CDKAL1: variants seen among roughly 807,000 people sequenced by gnomAD.
CDKAL1 encodes CDKAL1 threonylcarbamoyladenosine tRNA methylthiotransferase, also known as threonylcarbamoyladenosine tRNA methylthiotransferase.
In CDKAL1, 32 loss-of-function variants were observed where a neutral mutation model predicts 68.2. That is an observed-to-expected ratio of 0.47 (90% CI 0.35 to 0.63). The LOEUF is 0.63. Ranked by LOEUF, CDKAL1 falls within the 30% of genes least tolerant of loss-of-function variation. The pLI, the probability that CDKAL1 is intolerant of heterozygous loss-of-function variation, is 0.00. For missense variants in CDKAL1, 606 were observed against 696.7 expected, an observed-to-expected ratio of 0.87 and a Z score of 1.47; for synonymous variants, 234 against 244.3, an observed-to-expected ratio of 0.96 and a Z score of 0.39.
chr6:20,891,008 A>G (rs1264496431), intron 9 of CDKAL1, among the ~76,000 whole-genome samples: 2 of 152,192 alleles, frequency 1.3e-5, no homozygotes, highest in Non-Finnish European at 2.9e-5. Context: ...CACAGATGAG[A>G]AAACAGGTGA....
In CDKAL1 at chr6:20,855,863, A is replaced by G. The variant is rs139474618; in HGVS notation, c.742+9685A>G. 4.2e-3 allele frequency among the ~76,000 whole-genome samples: 637 copies of G among 152,256 alleles called. 6 individuals carry two copies. Among genetic ancestry groups the G allele is most frequent in the African/African-American group, 0.015 (609 of 41,546 alleles). On this transcript the variant is annotated intron_variant, in intron 9 of 15. Coordinates refer to ENST00000274695, the MANE Select transcript of CDKAL1 (RefSeq NM_017774.3). ...CTGATTCAGAAAGCGATATGTGGAG[A>G]CCACTGATTTAAAGGAACAAATAGC...
chr6:20,707,777 G>A (rs980680403), intron 5 of CDKAL1, among the ~76,000 whole-genome samples: 10 of 152,108 alleles, frequency 6.6e-5, no homozygotes, highest in Non-Finnish European at 1.5e-4. Context: ...TATAAAGTAG[G>A]TACTCAATAA....
intron 5 of CDKAL1, among the ~76,000 whole-genome samples, chr6:20,732,121 C>T (rs1235469485): frequency 6.6e-6 from 1 of 151,872 alleles, no homozygotes. Context: ...TCGAAGCTCA[C>T]TGCAGCCTCG....
At chr6:20,974,280 C>A (rs768192151) in intron 10 of CDKAL1, among the ~76,000 whole-genome samples, 93 of 152,202 alleles carry the variant, frequency 6.1e-4, no homozygotes, top group Non-Finnish European at 1.1e-3. Flanking sequence ...CAGATCTCTT[C>A]TAGTCATATT....
At chr6:21,018,380 G>C (rs1768456939) in intron 11 of CDKAL1, among the ~76,000 whole-genome samples, 1 of 152,186 alleles carries the variant, frequency 6.6e-6, no homozygotes. Context: ...TCTGGTTTTT[G>C]TGCAGGAGCT....
intron 5 of CDKAL1, among the ~76,000 whole-genome samples, chr6:20,739,242 G>A (rs1773336310): frequency 6.6e-6 from 1 of 151,932 alleles, no homozygotes; most frequent in African/African-American, 2.4e-5. Flanking sequence ...TCATATCCTT[G>A]GGAATAAAGT....
intron 5 of CDKAL1, among the ~76,000 whole-genome samples, chr6:20,702,625 C>T (rs989104655): frequency 3.3e-5 from 5 of 151,912 alleles, no homozygotes; most frequent in African/African-American, 4.8e-5. Context: ...TGTTGTGTGC[C>T]CCTCTGGACG....
At chr6:20,665,071 T>C (rs1769464938) in intron 5 of CDKAL1, among the ~76,000 whole-genome samples, 1 of 151,828 alleles carries the variant, frequency 6.6e-6, no homozygotes, top group Non-Finnish European at 1.5e-5. Flanking sequence ...ATAGATGGGG[T>C]TGGGGGAGTG....
At position 21,092,821 on chromosome 6, in the gene CDKAL1, GTGAT is replaced by G. The variant is rs200110053; in HGVS notation, c.1237-15577_1237-15574del. Reference sequence around the variant, plus strand: ...GAAATAAGATTGAGACATCAAAAAAGTGATTGGGAGAGCAAAAAATAATTCTTAG... The same window carrying G: ...GAAATAAGATTGAGACATCAAAAAAGTGGGAGAGCAAAAAATAATTCTTAG... On this transcript the variant is annotated intron_variant, in intron 12 of 15. Transcript: ENST00000274695. Among the ~76,000 whole-genome samples, 286 of 150,804 alleles carry G rather than the reference GTGAT, an allele frequency of 1.9e-3. 2 individuals are homozygous for G. The highest frequency in any genetic ancestry group is 6.6e-3 in the African/African-American group (273 of 41,176).
intron 11 of CDKAL1, among the ~76,000 whole-genome samples, chr6:21,063,423 A>G (rs138866750): frequency 4.5e-4 from 68 of 152,344 alleles, no homozygotes; most frequent in African/African-American, 1.6e-3. Context: ...AGATGCCAAC[A>G]TTTGGGCCTA....
intron 12 of CDKAL1, among the ~76,000 whole-genome samples, chr6:21,077,099 T>G (rs1772111284): frequency 6.6e-6 from 1 of 151,692 alleles, no homozygotes; most frequent in Admixed American, 6.6e-5. Flanking sequence ...AATCTTTGAT[T>G]TTTCTATTAG....
At chr6:20,766,902 G>A (rs1370156528) in intron 7 of CDKAL1, among the ~76,000 whole-genome samples, 1 of 151,986 alleles carries the variant, frequency 6.6e-6, no homozygotes, top group African/African-American at 2.4e-5. Flanking sequence ...ATTATTTAGT[G>A]AAAAAGAAAA....
rs564243165 is a variant in CDKAL1, at chr6:20,892,013, C to A, written c.742+45835C>A. Among the ~76,000 whole-genome samples, 4 of 151,928 alleles carry A rather than the reference C, an allele frequency of 2.6e-5. No individual in the cohort carries two copies. In the South Asian group the frequency reaches 8.4e-4, roughly 32 times the overall value. ...TCTTGCCTCTTCTGCACTTGTGCAA[C>A]TTGTTCTTGTTGCATATATATCTGT... On this transcript the variant is annotated intron_variant, in intron 9 of 15. Coordinates refer to ENST00000274695, the MANE Select transcript of CDKAL1 (RefSeq NM_017774.3).
intron 5 of CDKAL1, among the ~76,000 whole-genome samples, chr6:20,738,251 G>T (rs1429132747): frequency 1.3e-5 from 2 of 152,090 alleles, no homozygotes; most frequent in Admixed American, 6.6e-5. Flanking sequence ...AAGAATTAAA[G>T]ACTTGAAAAT....
At chr6:20,706,369 T>C (rs1771596005) in intron 5 of CDKAL1, among the ~76,000 whole-genome samples, 1 of 152,176 alleles carries the variant, frequency 6.6e-6, no homozygotes, top group Non-Finnish European at 1.5e-5. Context: ...ACTTTAGGCT[T>C]CCCGCCAACC....
At chr6:20,673,357 C>T (rs1479651468) in intron 5 of CDKAL1, among the ~76,000 whole-genome samples, 1 of 152,208 alleles carries the variant, frequency 6.6e-6, no homozygotes, top group African/African-American at 2.4e-5. Context: ...TATGCATATT[C>T]TCCTGTATAC....
At chr6:21,137,763 A>G (rs183548468) in intron 13 of CDKAL1, among the ~76,000 whole-genome samples, 104 of 152,372 alleles carry the variant, frequency 6.8e-4, no homozygotes, top group African/African-American at 2.5e-3. Context: ...TAATATAACC[A>G]AATGTTAGAG....
chr6:20,752,819 A>G (rs1773984979), intron 6 of CDKAL1, among the ~76,000 whole-genome samples: 1 of 152,176 alleles, frequency 6.6e-6, no homozygotes, highest in Non-Finnish European at 1.5e-5. Context: ...TTATTCAGAT[A>G]TTGCCAATTG....
At chr6:21,227,889 G>T (rs2151129997) in intron 15 of CDKAL1, among the ~76,000 whole-genome samples, 1 of 152,340 alleles carries the variant, frequency 6.6e-6, no homozygotes, top group Non-Finnish European at 1.5e-5. Flanking sequence ...ATTGTCATCA[G>T]AAGTCAAAGA....
Sources: gnomAD v4.1 joint callset for allele counts (sites outside exome capture counted in the v4.1 genomes callset) on GRCh38, gnomAD v4.1.1 for gene constraint, MANE v1.5 for transcripts, NCBI Gene and HGNC (gene_info 2026-07-23, HGNC 2026-07-21) for gene names.